BCL2L13: variants seen among roughly 807,000 people sequenced by gnomAD.
BCL2L13 encodes BCL2 like 13.
In BCL2L13, 13 loss-of-function variants were observed where a neutral mutation model predicts 25.8. That is an observed-to-expected ratio of 0.50 (90% CI 0.33 to 0.80). The LOEUF is 0.80. Among genes scored for constraint, BCL2L13 ranks in the 30% least tolerant of loss-of-function variants. The pLI is 0.02. For synonymous variants in BCL2L13, 244 were observed against 230.3 expected, an observed-to-expected ratio of 1.06 and a Z score of -0.54; for missense variants, 504 against 574.9, an observed-to-expected ratio of 0.88 and a Z score of 1.26.
At chr22:17,716,652 A>C (rs1865714225) in intron 6 of BCL2L13, among the ~76,000 whole-genome samples, 1 of 152,214 alleles carries the variant, frequency 6.6e-6, no homozygotes, top group African/African-American at 2.4e-5. Context: ...TGTGCTCAAG[A>C]AGGGATAATG....
At chr22:17,699,695 T>G (rs576193947) in intron 5 of BCL2L13, among the ~76,000 whole-genome samples, 10 of 152,288 alleles carry the variant, frequency 6.6e-5, no homozygotes, top group Admixed American at 4.6e-4. Context: ...AATCGTGGGT[T>G]CTTCTAGGAG....
Position 17,683,245 on chromosome 22 carries a change from G to C in BCL2L13, c.153G>C (p.Leu51=). Reference sequence around the variant, plus strand: ...AACTAGATATAGCTTCACAATCTCTGGATCAAGAAATTTTATTAAAAGTTA... The same window carrying C: ...AACTAGATATAGCTTCACAATCTCTCGATCAAGAAATTTTATTAAAAGTTA... The part of the protein sequence containing the change: ...GVQLDIASQS[L]DQEILLKVKT... The change falls in exon 3 of 7, where the codon CTG becomes CTC. Residue 51 remains leucine (L), a synonymous_variant. Transcript: ENST00000317582. The C allele has an allele frequency of 6.3e-7, 1 of 1,588,416 alleles. No individual in the cohort carries two copies. The highest frequency in any genetic ancestry group is 1.1e-5 in the South Asian group (1 of 87,876).
intron 6 of BCL2L13, among the ~76,000 whole-genome samples, chr22:17,711,959 A>G (rs183758285): frequency 1.3e-5 from 2 of 152,222 alleles, no homozygotes; most frequent in Admixed American, 1.3e-4. Context: ...GAACATAAGA[A>G]ATTATGTTCC....
rs200010280 is a variant in BCL2L13, at chr22:17,728,099, A to AGGCTG, written c.*569_*570insGGGCT. ...TAGAATTTCATCTTTCTCGATGAGC[A>AGGCTG]GGCTCTGCACCCACTCTTTTTTTGC... On this transcript the variant is annotated 3_prime_UTR_variant, in exon 7 of 7. Coordinates refer to ENST00000317582, the MANE Select transcript of BCL2L13 (RefSeq NM_015367.4). The AGGCTG allele has an allele frequency of 0.03, 4,719 of 157,432 alleles. 105 individuals are homozygous for AGGCTG. Among genetic ancestry groups the AGGCTG allele is most frequent in the African/African-American group, 0.064 (2,645 of 41,286 alleles). 9.8% of individuals were successfully genotyped at this position (157,432 alleles called of 1,614,324 possible).
At chr22:17,662,391 T>A (rs529002293) in intron 2 of BCL2L13, among the ~76,000 whole-genome samples, 3 of 152,288 alleles carry the variant, frequency 2.0e-5, no homozygotes, top group East Asian at 3.9e-4. Context: ...GGCAGGAGAA[T>A]GGCGTGAACC....
At chr22:17,699,032 A>G (rs375010210) in intron 5 of BCL2L13, among the ~76,000 whole-genome samples, 4 of 152,166 alleles carry the variant, frequency 2.6e-5, no homozygotes, top group African/African-American at 4.8e-5. Context: ...GTCACTTAAC[A>G]TGTTCTTCTG....
chr22:17,665,792 C>T (rs892207891), intron 2 of BCL2L13, among the ~76,000 whole-genome samples: 3 of 151,866 alleles, frequency 2.0e-5, no homozygotes, highest in Admixed American at 6.6e-5. Flanking sequence ...TGAAGTGGTG[C>T]CTTATTGTGG....
intron 6 of BCL2L13, among the ~76,000 whole-genome samples, chr22:17,704,034 A>G (rs1259315871): frequency 6.6e-6 from 1 of 152,238 alleles, no homozygotes; most frequent in Admixed American, 6.5e-5. Context: ...TATATTACTC[A>G]ACTCCAGTAT....
intron 3 of BCL2L13, among the ~76,000 whole-genome samples, chr22:17,685,748 TTTTTTC>T (rs1431770944): frequency 1.2e-4 from 17 of 138,440 alleles, no homozygotes; most frequent in African/African-American, 4.1e-4. Flanking sequence ...TGCCCAATAA[TTTTTTC>T]TTTTTCTTTT....
intron 3 of BCL2L13, among the ~76,000 whole-genome samples, chr22:17,686,489 G>C (rs1202068212): frequency 6.6e-6 from 1 of 150,658 alleles, no homozygotes; most frequent in Non-Finnish European, 1.5e-5. Flanking sequence ...CCTAATGTTA[G>C]TCTTGTCTTT....
At chr22:17,636,062 GCCTGTAAT>G (rs2058100790), upstream of BCL2L13, among the ~76,000 whole-genome samples, 1 of 147,052 alleles carries the variant, frequency 6.8e-6, no homozygotes, top group Non-Finnish European at 1.5e-5. Context: ...GGTGGCTCAC[GCCTGTAAT>G]CCCACCACTT....
chr22:17,664,326 T>C (rs972827132), intron 2 of BCL2L13, among the ~76,000 whole-genome samples: 2 of 152,236 alleles, frequency 1.3e-5, no homozygotes, highest in African/African-American at 4.8e-5. Flanking sequence ...TTTGACTCCA[T>C]GTCTCACATC....
At chr22:17,642,088 C>T (rs1011084979) in intron 1 of BCL2L13, among the ~76,000 whole-genome samples, 28 of 150,910 alleles carry the variant, frequency 1.9e-4, no homozygotes, top group African/African-American at 5.8e-4. Context: ...TGTGTGCCAC[C>T]GCGCCTGACC....
chr22:17,654,172 C>G (rs563692241), intron 1 of BCL2L13, among the ~76,000 whole-genome samples: 1 of 151,980 alleles, frequency 6.6e-6, no homozygotes, highest in Admixed American at 6.6e-5. Context: ...GTGGCGTGAT[C>G]ATGGCTCACT....
intron 2 of BCL2L13, among the ~76,000 whole-genome samples, chr22:17,669,749 A>G (rs1469766799): frequency 6.6e-6 from 1 of 152,196 alleles, no homozygotes. Flanking sequence ...GAGTGGAACC[A>G]GTGGCTTTAT....
At chr22:17,709,639 G>A (rs1451042716) in intron 6 of BCL2L13, among the ~76,000 whole-genome samples, 2 of 152,118 alleles carry the variant, frequency 1.3e-5, no homozygotes, top group African/African-American at 4.8e-5. Context: ...AGAAAGATTA[G>A]CCAGGCATGG....
chr22:17,656,911 C>T (rs538076761), intron 2 of BCL2L13, among the ~76,000 whole-genome samples: 2 of 152,172 alleles, frequency 1.3e-5, no homozygotes, highest in East Asian at 3.9e-4. Flanking sequence ...CTCTGCCTCC[C>T]GGGTTCAAGC....
rs752813309 is a variant in BCL2L13 at position 17,726,676 on chromosome 22, G to A, written c.601-1G>A. On this transcript the variant is annotated splice_acceptor_variant, in intron 6 of 6. Transcript: ENST00000317582. LOFTEE classifies it high-confidence loss of function. The stretch of plus-strand genomic sequence containing the variant: ...TATTGACGCTTGTCCTTCGTTTCTA[G>A]GGCACTGTGTTTAGTCTTGAGTCAG... 41 of 1,607,034 alleles carry A rather than the reference G, an allele frequency of 2.6e-5. No individual in the cohort carries two copies. Among genetic ancestry groups the A allele is most frequent in the Non-Finnish European group, 3.4e-5 (40 of 1,174,608 alleles).
intron 6 of BCL2L13, among the ~76,000 whole-genome samples, chr22:17,715,612 A>G (rs1020932080): frequency 1.4e-4 from 21 of 152,144 alleles, no homozygotes; most frequent in African/African-American, 5.1e-4. Flanking sequence ...ATATATCCTT[A>G]GTCTCCAGGA....
Sources: gnomAD v4.1 joint callset for allele counts (sites outside exome capture counted in the v4.1 genomes callset) on GRCh38, gnomAD v4.1.1 for gene constraint, MANE v1.5 for transcripts, NCBI Gene and HGNC (gene_info 2026-07-23, HGNC 2026-07-21) for gene names.